The following TFB1M variants were observed in gnomAD, a reference collection of about 807,000 sequenced individuals.
TFB1M encodes the protein dimethyladenosine transferase 1, mitochondrial.
Under a neutral mutation model 31.1 loss-of-function variants are expected in TFB1M, and 27 were observed. That is an observed-to-expected ratio of 0.87 (90% CI 0.64 to 1.20). TFB1M has a LOEUF of 1.20. Ranked by LOEUF, TFB1M falls within the 50% of genes most tolerant of loss-of-function variation. TFB1M has a pLI of 0.00. For missense variants in TFB1M, 394 were observed against 418.7 expected (o/e 0.94, Z 0.51); for synonymous variants, 166 against 151.8 (o/e 1.09, Z -0.69).
At chr6:155,249,156 A>G in the TFB1M span, among the ~76,000 whole-genome samples, 2 of 151,244 alleles carry the variant, frequency 1.3e-5, no homozygotes, top group Admixed American at 1.3e-4. Flanking sequence ...GAATTGGGAG[A>G]AAAAAAAGTA....
intron 2 of TFB1M, among the ~76,000 whole-genome samples, chr6:155,306,759 G>T (rs778653120): frequency 2.6e-5 from 4 of 152,090 alleles, no homozygotes; most frequent in Non-Finnish European, 5.9e-5. Flanking sequence ...GAAACATGAG[G>T]AATCCTGAGG....
At chr6:155,248,986 A>G in the TFB1M span, among the ~76,000 whole-genome samples, 1 of 152,232 alleles carries the variant, frequency 6.6e-6, no homozygotes, top group Non-Finnish European at 1.5e-5. Flanking sequence ...ACAAGAGGAA[A>G]GCATTTTTGT....
At chr6:155,254,679 C>T (rs115115867), downstream of TFB1M, 2,090 of 1,405,604 alleles carry the variant, frequency 1.5e-3, 27 homozygotes, top group African/African-American at 0.027. Context: ...TGTAAGTCAT[C>T]GAGGTACCTT....
At chr6:155,241,867 A>T in the TFB1M span, among the ~76,000 whole-genome samples, 1 of 152,216 alleles carries the variant, frequency 6.6e-6, no homozygotes, top group Admixed American at 6.5e-5. Flanking sequence ...GGCGCTGTAG[A>T]TATTTTGGAA....
At chr6:155,244,439 A>C in the TFB1M span, among the ~76,000 whole-genome samples, 2 of 152,244 alleles carry the variant, frequency 1.3e-5, no homozygotes, top group Non-Finnish European at 2.9e-5. Flanking sequence ...CCACTTAAAA[A>C]TTTACTGTAG....
chr6:155,279,885 C>T lies in TFB1M; in HGVS notation c.666+5273G>A, dbSNP rs561408628. Among the ~76,000 whole-genome samples the T allele has an allele frequency of 5.9e-5, 9 of 152,148 alleles. No homozygotes were observed. In the East Asian group the frequency reaches 1.4e-3, roughly 23 times the overall value. On this transcript the variant is annotated intron_variant, in intron 5 of 6. Coordinates refer to ENST00000367166, the MANE Select transcript of TFB1M (RefSeq NM_016020.4). ...CAAATACTCTTATCTCTATTCAACA[C>T]GTATTTTACCTGATTTTTAAGGAGG... is the stretch of plus-strand genomic sequence containing the variant.
the TFB1M span, chr6:155,250,880 G>C: frequency 6.3e-7 from 1 of 1,598,506 alleles, no homozygotes; most frequent in Non-Finnish European, 8.6e-7. Flanking sequence ...TGGGATTTCC[G>C]TATCTTCCTT....
At chr6:155,293,808 CT>C (rs2114767821) in intron 4 of TFB1M, among the ~76,000 whole-genome samples, 1 of 152,176 alleles carries the variant, frequency 6.6e-6, no homozygotes, top group South Asian at 2.1e-4. Flanking sequence ...GATTCACTCC[CT>C]GTTATATTTA....
the TFB1M span, among the ~76,000 whole-genome samples, chr6:155,232,283 T>C: frequency 6.6e-6 from 1 of 152,012 alleles, no homozygotes; most frequent in Non-Finnish European, 1.5e-5. Flanking sequence ...TTTTTTCCCG[T>C]TTTCCTAAAG....
intron 1 of TFB1M, among the ~76,000 whole-genome samples, chr6:155,312,300 C>T (rs1156365424): frequency 6.6e-6 from 1 of 152,170 alleles, no homozygotes; most frequent in Non-Finnish European, 1.5e-5. Context: ...AATTAGCATC[C>T]ACTGACCATC....
intron 2 of TFB1M, among the ~76,000 whole-genome samples, chr6:155,309,172 T>C (rs575340223): frequency 9.2e-5 from 14 of 152,342 alleles, no homozygotes; most frequent in African/African-American, 3.1e-4. Flanking sequence ...TATTTAATGA[T>C]ACATTTAATT....
the TFB1M span, among the ~76,000 whole-genome samples, chr6:155,236,326 T>C: frequency 2.0e-5 from 3 of 151,850 alleles, no homozygotes; most frequent in South Asian, 2.1e-4. Context: ...GCAGTTCTCA[T>C]GCAGGCCACA....
At chr6:155,285,413 C>T (rs1462726206) in intron 4 of TFB1M, 136 bp from the exon 5 acceptor site, 1 of 909,134 alleles carries the variant, frequency 1.1e-6, no homozygotes, top group East Asian at 2.8e-5. Flanking sequence ...CTATCTGACA[C>T]ATGACACACA....
intron 4 of TFB1M, among the ~76,000 whole-genome samples, chr6:155,294,818 T>C (rs142787513): frequency 2.7e-4 from 41 of 152,334 alleles, no homozygotes; most frequent in African/African-American, 7.9e-4. Context: ...ATGTTGCCCA[T>C]GTGCCCCAAC....
intron 2 of TFB1M, chr6:155,303,205 G>A (rs897890058): frequency 6.6e-6 from 1 of 152,084 alleles, no homozygotes; most frequent in African/African-American, 2.4e-5. Context: ...TTCTTCCTTA[G>A]GCCAATGTAT....
At chr6:155,289,635 A>G (rs1776813349) in intron 4 of TFB1M, among the ~76,000 whole-genome samples, 1 of 152,220 alleles carries the variant, frequency 6.6e-6, no homozygotes, top group South Asian at 2.1e-4. Context: ...AAAGCCAATC[A>G]AAGTAAATGT....
the TFB1M span, among the ~76,000 whole-genome samples, chr6:155,249,494 T>C: frequency 1.3e-5 from 2 of 152,148 alleles, no homozygotes; most frequent in African/African-American, 4.8e-5. Flanking sequence ...TAAAATGGGA[T>C]GGTTTAGTCT....
chr6:155,257,737 AT>A lies in TFB1M; in HGVS notation c.*98del. 2 of 1,446,786 alleles carry A rather than the reference AT, an allele frequency of 1.4e-6. No individual in the cohort carries two copies. The highest frequency in any genetic ancestry group is 1.9e-6 in the Non-Finnish European group (2 of 1,049,286). The allele number at this position is 1,446,786 out of a possible 1,614,324, so 89.6% of individuals were successfully genotyped here. A position where few individuals can be genotyped will look rare whatever the true frequency, so the allele number is the denominator to read the frequency against. ...AAATAAGTCACATCTGGTCATTGGCATTTGTATCGTCATTCTGTAAAGACAA... is the reference window on the plus strand; with the variant it reads ...AAATAAGTCACATCTGGTCATTGGCATTGTATCGTCATTCTGTAAAGACAA... On this transcript the variant is annotated 3_prime_UTR_variant, in exon 7 of 7. Transcript: ENST00000367166.
At chr6:155,232,239 G>C in the TFB1M span, among the ~76,000 whole-genome samples, 1 of 151,780 alleles carries the variant, frequency 6.6e-6, no homozygotes, top group Non-Finnish European at 1.5e-5. Flanking sequence ...AGAGTGAGTT[G>C]AGAAAAAGTC....
Sources: allele counts gnomAD v4.1 joint callset (sites outside exome capture counted in the v4.1 genomes callset), GRCh38; gene constraint gnomAD v4.1.1; transcripts MANE v1.5; gene names NCBI Gene and HGNC (gene_info 2026-07-23, HGNC 2026-07-21).